MALRD1: variants seen among roughly 807,000 people sequenced by gnomAD.
MALRD1 encodes the protein MAM and LDL-receptor class A domain-containing protein 1.
Under a neutral mutation model 242.1 loss-of-function variants are expected in MALRD1, and 247 were observed. The ratio of observed to expected loss-of-function variants is 1.02; its 90% CI spans 0.92 to 1.13. The LOEUF (loss-of-function observed/expected upper bound fraction) is 1.13. MALRD1 is among the 50% of genes most tolerant of loss of function. The pLI is 0.00. For missense variants in MALRD1, 2,989 were observed against 2,533.1 expected (o/e 1.18, Z -3.86); for synonymous variants, 995 against 866.6 (o/e 1.15, Z -2.60).
At chr10:19,237,598 AATTATAATTATAATTATATAATTATAT>A (rs1838392676) in intron 18 of MALRD1, among the ~76,000 whole-genome samples, 1 of 7,316 alleles carries the variant, frequency 1.4e-4, no homozygotes, top group African/African-American at 1.3e-3. Context: ...ATAATTATAT[AATTATAATTATAATTATATAATTATAT>A]AATTATAATT....
chr10:19,655,532 A>C (rs1197859133), intron 36 of MALRD1, among the ~76,000 whole-genome samples: 2 of 9,386 alleles, frequency 2.1e-4, no homozygotes, highest in African/African-American at 1.1e-3. Flanking sequence ...GTGTGAGTGT[A>C]TATATATATA....
intron 32 of MALRD1, among the ~76,000 whole-genome samples, chr10:19,567,005 G>C (rs568961521): frequency 2.0e-5 from 3 of 152,000 alleles, no homozygotes; most frequent in African/African-American, 7.2e-5. Context: ...AAAAAGTGGT[G>C]AATATCAATG....
At chr10:19,467,387 C>A (rs1364570499) in intron 29 of MALRD1, among the ~76,000 whole-genome samples, 11 of 20,186 alleles carry the variant, frequency 5.4e-4, no homozygotes, top group Middle Eastern at 0.025. Flanking sequence ...AGCGAGACTC[C>A]GTCTCAAAAA....
chr10:19,459,746 A>C (rs1489571550), intron 29 of MALRD1, among the ~76,000 whole-genome samples: 4 of 151,692 alleles, frequency 2.6e-5, no homozygotes, highest in Non-Finnish European at 4.4e-5. Context: ...TGAATGTTAA[A>C]AAGGTCTATA....
chr10:19,514,218 A>C (rs1021713605), intron 31 of MALRD1, among the ~76,000 whole-genome samples: 1 of 152,222 alleles, frequency 6.6e-6, no homozygotes, highest in Non-Finnish European at 1.5e-5. Flanking sequence ...AATTTAAGGT[A>C]ATAACTAGAA....
chr10:19,711,220 C>G (rs1834097568), intron 38 of MALRD1: 1 of 149,346 alleles, frequency 6.7e-6, no homozygotes, highest in African/African-American at 2.6e-5. Flanking sequence ...CTTCCACTAT[C>G]TGTTTATTGT....
intron 38 of MALRD1, among the ~76,000 whole-genome samples, chr10:19,730,253 G>A (rs1264268360): frequency 6.6e-6 from 1 of 152,172 alleles, no homozygotes; most frequent in East Asian, 1.9e-4. Context: ...ATGTGCTACA[G>A]ATCTTTATGA....
At chr10:19,490,030 T>G (rs1589149686) in intron 29 of MALRD1, among the ~76,000 whole-genome samples, 1 of 152,172 alleles carries the variant, frequency 6.6e-6, no homozygotes, top group East Asian at 1.9e-4. Flanking sequence ...ATACTGGTAC[T>G]TGATAGCCTC....
chr10:19,646,245 C>T (rs553304583), intron 36 of MALRD1, among the ~76,000 whole-genome samples: 1 of 152,196 alleles, frequency 6.6e-6, no homozygotes, highest in Admixed American at 6.5e-5. Context: ...ACTCTCTACA[C>T]TGTCTGATCT....
chr10:19,688,994 G>A (rs1037314693), intron 36 of MALRD1, among the ~76,000 whole-genome samples: 1 of 152,086 alleles, frequency 6.6e-6, no homozygotes, highest in Admixed American at 6.5e-5. Flanking sequence ...GGGTGAAGAG[G>A]AAAGAAGAAG....
intron 32 of MALRD1, among the ~76,000 whole-genome samples, chr10:19,532,540 C>T (rs772221842): frequency 3.9e-5 from 6 of 152,138 alleles, no homozygotes; most frequent in Non-Finnish European, 8.8e-5. Flanking sequence ...AGGCCTGAGC[C>T]ACCATGCCCC....
chr10:19,444,968 C>T (rs532732652), intron 28 of MALRD1, among the ~76,000 whole-genome samples: 2 of 152,186 alleles, frequency 1.3e-5, no homozygotes, highest in African/African-American at 2.4e-5. Flanking sequence ...TTGGTCTTTT[C>T]ACATAGTCCC....
intron 1 of MALRD1, among the ~76,000 whole-genome samples, chr10:19,060,519 C>T (rs1834792795): frequency 6.6e-6 from 1 of 152,154 alleles, no homozygotes; most frequent in Admixed American, 6.5e-5. Context: ...GACCCCTTAC[C>T]CTTGCCTGGC....
At chr10:19,384,983 A>G (rs1482417897) in intron 26 of MALRD1, among the ~76,000 whole-genome samples, 2 of 151,734 alleles carry the variant, frequency 1.3e-5, no homozygotes, top group Admixed American at 6.6e-5. Flanking sequence ...ATGGTGTTGA[A>G]TTTTGTCAAA....
At chr10:19,526,816 T>C (rs1299274824) in intron 31 of MALRD1, among the ~76,000 whole-genome samples, 1 of 152,168 alleles carries the variant, frequency 6.6e-6, no homozygotes, top group Non-Finnish European at 1.5e-5. Context: ...TTTCATGACA[T>C]AGCCCTAAAA....
intron 11 of MALRD1, among the ~76,000 whole-genome samples, chr10:19,150,157 G>T (rs150550694): frequency 6.6e-6 from 1 of 152,078 alleles, no homozygotes; most frequent in Admixed American, 6.5e-5. Flanking sequence ...ATTTGCATAC[G>T]TGTTTTTGTC....
At chr10:19,132,544 AG>A in intron 8 of MALRD1, among the ~76,000 whole-genome samples, 1 of 152,314 alleles carries the variant, frequency 6.6e-6, no homozygotes, top group South Asian at 2.1e-4. Flanking sequence ...ATTCATTTTT[AG>A]AAAATCTTGG....
intron 18 of MALRD1, among the ~76,000 whole-genome samples, chr10:19,225,518 A>T (rs561357030): frequency 1.6e-4 from 24 of 151,938 alleles, no homozygotes; most frequent in East Asian, 1.6e-3. Flanking sequence ...TTATATATAT[A>T]TTTTTTCTGT....
chr10:19,544,975 A>G (rs1032273934), intron 32 of MALRD1, among the ~76,000 whole-genome samples: 9 of 152,194 alleles, frequency 5.9e-5, no homozygotes, highest in African/African-American at 1.9e-4. Flanking sequence ...TAGAGTTGCC[A>G]TAACAAGATA....
Sources: gnomAD v4.1 joint callset for allele counts (sites outside exome capture counted in the v4.1 genomes callset) on GRCh38, gnomAD v4.1.1 for gene constraint, MANE v1.5 for transcripts, NCBI Gene and HGNC (gene_info 2026-07-23, HGNC 2026-07-21) for gene names.